Variants in NEBL observed in about 807,000 individuals in gnomAD.
NEBL encodes nebulette.
NEBL carries 122 observed loss-of-function variants against 140.2 expected under a neutral mutation model. That is an observed-to-expected ratio of 0.87 (90% CI 0.75 to 1.01). The LOEUF (loss-of-function observed/expected upper bound fraction) is 1.01, where lower values mean the gene tolerates loss of function less well. Among genes scored for constraint, NEBL ranks in the 50% least tolerant of loss-of-function variants. The probability of loss-of-function intolerance (pLI) is 0.00; values close to 1 mark genes in which losing one functional copy is unlikely to be tolerated. For synonymous variants in NEBL, 436 were observed against 398.9 expected (o/e 1.09, Z -1.11); for missense variants, 1,365 against 1,231.3 (o/e 1.11, Z -1.62).
intron 12 of NEBL, among the ~76,000 whole-genome samples, 181 bp from the exon 13 acceptor site, chr10:20,841,030 A>C (rs922512681): frequency 6.6e-6 from 1 of 152,124 alleles, no homozygotes; most frequent in Non-Finnish European, 1.5e-5. Context: ...TACCAAGTTC[A>C]GAGTGGCTTC....
At chr10:21,188,529 G>GTATAATAGT (rs976078205) in intron 3 of NEBL, among the ~76,000 whole-genome samples, 37 of 151,038 alleles carry the variant, frequency 2.4e-4, no homozygotes, top group African/African-American at 8.8e-4. Flanking sequence ...AAATGCCTAA[G>GTATAATAGT]TATAATAGTT....
At chr10:21,200,329 T>TC (rs1275715739) in intron 3 of NEBL, among the ~76,000 whole-genome samples, 3 of 146,060 alleles carry the variant, frequency 2.1e-5, no homozygotes, top group Non-Finnish European at 4.5e-5. Context: ...TTTTTTTTTT[T>TC]TTGAGATGGA....
chr10:20,877,061 T>G (rs1845569736), intron 5 of NEBL, among the ~76,000 whole-genome samples: 1 of 152,248 alleles, frequency 6.6e-6, no homozygotes, highest in African/African-American at 2.4e-5. Context: ...TTTTATAAAT[T>G]GAACTTCCTT....
rs147506484 is a variant in NEBL at position 21,173,472 on chromosome 10, T to TC, written c.69+292dup. On this transcript the variant is annotated intron_variant, in intron 1 of 6. Transcript: ENST00000417816. This position sits in a 1 kb window ranked among gnomAD's most constrained non-coding sequence, Gnocchi z 5.7. The stretch of plus-strand genomic sequence containing the variant: ...GTGCCCCCCTGGGTGCCCAGCCTGG[T>TC]CCCTCCGGGGTCCGGGGCTGCGCAC... Among the ~76,000 whole-genome samples the TC allele has an allele frequency of 8.2e-3, 1,249 of 152,030 alleles. 48 individuals are homozygous for TC. In the East Asian group the frequency reaches 0.12, roughly 15 times the overall value.
intron 3 of NEBL, among the ~76,000 whole-genome samples, chr10:20,966,515 A>G (rs1304000805): frequency 6.6e-6 from 1 of 152,248 alleles, no homozygotes; most frequent in Non-Finnish European, 1.5e-5. Flanking sequence ...CTAAATTTTA[A>G]AAACGGCCTT....
rs115802060 is a variant in NEBL, at chr10:20,875,276, A to T, written c.481-5435T>A. On this transcript the variant is annotated intron_variant, in intron 5 of 27. Coordinates refer to ENST00000377122, the MANE Select transcript of NEBL (RefSeq NM_006393.3). ...TTCCCTATGCTCGTGCAGAGCATCCAAGGTGCCCGGCTATCCTTTTCTGCA... is the reference window on the plus strand; with the variant it reads ...TTCCCTATGCTCGTGCAGAGCATCCTAGGTGCCCGGCTATCCTTTTCTGCA... Among the ~76,000 whole-genome samples the T allele has an allele frequency of 3.1e-3, 474 of 152,222 alleles. 3 individuals are homozygous for T. The highest frequency in any genetic ancestry group is 0.011 in the African/African-American group (456 of 41,538).
At chr10:20,900,980 T>C (rs1264089529), upstream of NEBL, among the ~76,000 whole-genome samples, 3 of 152,010 alleles carry the variant, frequency 2.0e-5, no homozygotes, top group African/African-American at 7.3e-5. Context: ...ATCGCGCCAC[T>C]GCACTCCAGC....
chr10:21,122,210 G>A (rs879455272), intron 2 of NEBL, among the ~76,000 whole-genome samples: 6 of 152,064 alleles, frequency 3.9e-5, no homozygotes, highest in Non-Finnish European at 7.4e-5. Flanking sequence ...ATTTTTAATA[G>A]AGACAGGGTT....
rs147107642 is a variant in NEBL at position 20,888,408 on chromosome 10, C to T, written c.259-201G>A. On this transcript the variant is annotated intron_variant, in intron 3 of 27. Coordinates refer to ENST00000377122, the MANE Select transcript of NEBL (RefSeq NM_006393.3). ...AATAAATCCAATTTATCATAGAGAA[C>T]GCTTTCAATGAGACATGCAAGGACA... 2.6e-5 allele frequency among the ~76,000 whole-genome samples: 4 copies of T among 152,298 alleles called. No individual in the cohort carries two copies. In the East Asian group the frequency reaches 5.8e-4, roughly 22 times the overall value.
chr10:20,866,223 G>A lies in NEBL; in HGVS notation c.684+2441C>T, dbSNP rs147927388. 7.5e-3 allele frequency among the ~76,000 whole-genome samples: 1,147 copies of A among 152,146 alleles called. 19 individuals are homozygous for A. The highest frequency in any genetic ancestry group is 0.013 in the Admixed American group (201 of 15,274). On this transcript the variant is annotated intron_variant, in intron 7 of 27. Transcript: ENST00000377122. ...GAACACACCATTCTGGGAAGGGGGC[G>A]TTGGGGAGTTATTATTTAACGGGTA...
chr10:20,977,334 A>G lies in NEBL; in HGVS notation c.250-15555T>C, dbSNP rs555303311. On this transcript the variant is annotated intron_variant, in intron 3 of 6. Coordinates refer to the NEBL transcript ENST00000417816. ...AGTGGCAGGTCGTCTTCGTTCCCCC[A>G]TTTCTTAACCAATGTTTGACTTGTC... 9.9e-5 allele frequency among the ~76,000 whole-genome samples: 15 copies of G among 152,238 alleles called. No individual in the cohort carries two copies. The East Asian group carries it at 2.9e-3, about 29-fold the overall frequency.
intron 2 of NEBL, among the ~76,000 whole-genome samples, chr10:21,119,759 T>C (rs1057103898): frequency 6.6e-6 from 1 of 152,086 alleles, no homozygotes; most frequent in Non-Finnish European, 1.5e-5. Flanking sequence ...ATCTATTATA[T>C]AGTCCATTTT....
intron 2 of NEBL, among the ~76,000 whole-genome samples, chr10:21,048,334 G>A (rs757428838): frequency 4.6e-5 from 7 of 151,574 alleles, no homozygotes; most frequent in Non-Finnish European, 7.4e-5. Context: ...AAACACGGCT[G>A]GAAAACATGT....
intron 9 of NEBL, among the ~76,000 whole-genome samples, chr10:20,857,075 C>G (rs1021120077): frequency 2.8e-4 from 42 of 152,044 alleles, no homozygotes; most frequent in African/African-American, 9.9e-4. Context: ...GTGATCCACC[C>G]GCCTCCCACA....
chr10:21,191,820 A>T (rs1470903837), intron 3 of NEBL, among the ~76,000 whole-genome samples: 1 of 152,240 alleles, frequency 6.6e-6, no homozygotes, highest in Non-Finnish European at 1.5e-5. Context: ...TAAATATGAC[A>T]TGCTTTCCCA....
At chr10:21,008,229 T>C (rs1838209875) in intron 3 of NEBL, among the ~76,000 whole-genome samples, 1 of 152,200 alleles carries the variant, frequency 6.6e-6, no homozygotes, top group Non-Finnish European at 1.5e-5. Context: ...TGTATGCATA[T>C]CTATATATAT....
chr10:21,261,629 AGAGT>A (rs1421542561), intron 1 of NEBL, among the ~76,000 whole-genome samples: 2 of 151,844 alleles, frequency 1.3e-5, no homozygotes, highest in Non-Finnish European at 2.9e-5. Context: ...CCCAGGTAAC[AGAGT>A]GAGACCCTGT....
At position 20,828,688 on chromosome 10, in the gene NEBL, G is replaced by T. The variant is rs115751438; in HGVS notation, c.1672-54C>A. On this transcript the variant is annotated intron_variant, in intron 16 of 27. Transcript: ENST00000377122. ...TGAAACTATGTGTGTGCGCACATGTGAGAGGGAGGGAGGGAGGCAGGAAAG... is the reference window on the plus strand; with the variant it reads ...TGAAACTATGTGTGTGCGCACATGTTAGAGGGAGGGAGGGAGGCAGGAAAG... The T allele has an allele frequency of 9.8e-4, 1,151 of 1,173,942 alleles. 8 individuals carry two copies. The African/African-American group carries it at 0.016, about 16-fold the overall frequency. The allele number at this position is 1,173,942 out of a possible 1,614,324, so 72.7% of individuals were successfully genotyped here. A position where few individuals can be genotyped will look rare whatever the true frequency, so the allele number is the denominator to read the frequency against.
At chr10:21,048,043 A>G (rs1834596413) in intron 2 of NEBL, among the ~76,000 whole-genome samples, 1 of 152,162 alleles carries the variant, frequency 6.6e-6, no homozygotes, top group Non-Finnish European at 1.5e-5. Flanking sequence ...GCACATCACA[A>G]TATCAACACA....
Sources: gnomAD v4.1 joint callset for allele counts (sites outside exome capture counted in the v4.1 genomes callset) on GRCh38, gnomAD v4.1.1 for gene constraint, Gnocchi (gnomAD v3.1) non-coding constraint, MANE v1.5 for transcripts, NCBI Gene and HGNC (gene_info 2026-07-23, HGNC 2026-07-21) for gene names.